GGA3: variants seen among roughly 807,000 people sequenced by gnomAD.
GGA3 encodes the protein golgi associated, gamma adaptin ear containing, ARF binding protein 3.
A neutral mutation model predicts 77.5 loss-of-function variants in GGA3; 57 were observed. The observed-to-expected ratio is 0.74, with a 90% CI of 0.59 to 0.92. GGA3 has a LOEUF of 0.92. GGA3 is among the 40% of genes least tolerant of loss of function. The pLI, the probability that GGA3 is intolerant of heterozygous loss-of-function variation, is 0.00. For missense variants in GGA3, 970 were observed against 914.9 expected (o/e 1.06, Z -0.78); for synonymous variants, 416 against 383.7 (o/e 1.08, Z -0.98).
chr17:75,256,772 C>A (rs977312417), intron 1 of GGA3, among the ~76,000 whole-genome samples: 1 of 152,092 alleles, frequency 6.6e-6, no homozygotes, highest in Non-Finnish European at 1.5e-5. Context: ...GATTTGCCCC[C>A]ACCCAGGACT....
rs1379490356 is a variant in GGA3 at position 75,238,203 on chromosome 17, G to A, written c.*76C>T. On this transcript the variant is annotated 3_prime_UTR_variant, in exon 17 of 17. Transcript: ENST00000537686. ...AAGCACTGTTGTCAGGGCATGGAGA[G>A]TGACGGGACCAGAGCCCTCCTCGTC... The A allele has an allele frequency of 2.6e-6, 4 of 1,565,196 alleles. No individual in the cohort carries two copies. The highest frequency in any genetic ancestry group is 3.5e-6 in the Non-Finnish European group (4 of 1,153,970).
chr17:75,244,740 C>T (rs111651025), intron 3 of GGA3, 23 bp from the exon 4 acceptor site: 46 of 1,571,874 alleles, frequency 2.9e-5, no homozygotes, highest in African/African-American at 5.4e-5. Context: ...AGAGGAGAGG[C>T]GCTCAGTGAG....
At chr17:75,243,010 C>T in intron 6 of GGA3, 53 bp downstream of exon 6, 1 of 1,511,052 alleles carries the variant, frequency 6.6e-7, no homozygotes, top group South Asian at 1.1e-5. Context: ...CCACATTCCC[C>T]TGCTGCCACC....
upstream of GGA3, chr17:75,261,829 T>C: frequency 3.3e-6 from 5 of 1,509,630 alleles, no homozygotes; most frequent in Non-Finnish European, 4.5e-6. Context: ...GAGGAGTCTT[T>C]TTCACCCGTT....
intron 1 of GGA3, among the ~76,000 whole-genome samples, chr17:75,251,134 A>G (rs2145566406): frequency 6.6e-6 from 1 of 152,144 alleles, no homozygotes; most frequent in African/African-American, 2.4e-5. Context: ...AAGCAAGAAC[A>G]TGGGCTGGAA....
chr17:75,240,131 TGAGCCGAGGGCGGGTGGG>T, intron 12 of GGA3, 23 bp from the exon 13 acceptor site: 1 of 1,030,568 alleles, frequency 9.7e-7, no homozygotes, highest in Non-Finnish European at 1.3e-6. Context: ...GAAAGGGTGG[TGAGCCGAGGGCGGGTGGG>T]GAGGGCCTGC....
rs191619184 is a variant in GGA3, at chr17:75,237,465, G to A, written c.*814C>T. On this transcript the variant is annotated 3_prime_UTR_variant, in exon 17 of 17. Transcript: ENST00000537686. ...CAGTTTATTTCATGCCAAGCAAGAGGTAGTCAGTAGGATGGCCTGTCCCCA... is the reference window on the plus strand; with the variant it reads ...CAGTTTATTTCATGCCAAGCAAGAGATAGTCAGTAGGATGGCCTGTCCCCA... 2.7e-5 allele frequency: 41 copies of A among 1,533,388 alleles called. No homozygotes were observed. Among genetic ancestry groups the A allele is most frequent in the Admixed American group, 7.8e-5 (4 of 50,990 alleles). The allele number at this position is 1,533,388 out of a possible 1,614,324, so 95.0% of individuals were successfully genotyped here.
chr17:75,240,740 C>T lies in GGA3; in HGVS notation c.1192+72G>A, dbSNP rs910749224. ...AGTCACACTGGGGCCCCGCTCAGGG[C>T]TCCTAATTCCACACACCCTTCCTCC... On this transcript the variant is annotated intron_variant, in intron 11 of 16. Transcript: ENST00000537686. 4 of 1,495,700 alleles carry T rather than the reference C, an allele frequency of 2.7e-6. No individual in the cohort carries two copies. In the East Asian group the frequency reaches 6.9e-5, roughly 26 times the overall value. 92.7% of individuals were successfully genotyped at this position (1,495,700 alleles called of 1,614,324 possible). A position where few individuals can be genotyped will look rare whatever the true frequency, so the allele number is the denominator to read the frequency against.
In GGA3 at chr17:75,242,868, T is replaced by C. The variant is rs915608707; in HGVS notation, c.572A>G (p.Gln191Arg). The change falls in exon 7 of 17, where the codon CAG becomes CGG. Residue 191 changes from glutamine to arginine, a missense_variant. Transcript: ENST00000537686. ...GGACTTGATGAGCTTGTTGGCCTCC[T>C]GCAGGTCATCTGGGTTTTTGCTTTT... ...LLKSKNPDDL[Q>R]EANKLIKSMV... 5 of 1,613,976 alleles carry C rather than the reference T, an allele frequency of 3.1e-6. No homozygotes were observed. The African/African-American group carries it at 5.3e-5, about 17-fold the overall frequency.
Position 75,246,698 on chromosome 17 carries a change from G to C in GGA3, c.125+14C>G, listed in dbSNP as rs147055941. On this transcript the variant is annotated intron_variant, in intron 2 of 16. Coordinates refer to ENST00000537686, the MANE Select transcript of GGA3 (RefSeq NM_138619.4). ...CCGCTCCCTCTCAGCTGCCCCCACA[G>C]TGCTGAGACTCACCCTTCCAGCTCC... 34 of 1,606,608 alleles carry C rather than the reference G, an allele frequency of 2.1e-5. No homozygotes were observed. In the African/African-American group the frequency reaches 4.0e-4, roughly 19 times the overall value.
Position 75,238,285 on chromosome 17 carries a change from G to C in GGA3, c.2166C>G (p.Asn722Lys), listed in dbSNP as rs142559174. 3 of 1,612,966 alleles carry C rather than the reference G, an allele frequency of 1.9e-6. No individual in the cohort carries two copies. The African/African-American group carries it at 4.0e-5, about 22-fold the overall frequency. The part of the protein sequence containing the change: ...DQFPPVEQWG[N>K]L ...ATCACAGCGTCCTCTGGGGTCATAG[G>C]TTCCCCCACTGTTCCACAGGAGGGA... Residue 722 changes from asparagine (N) to lysine (K), a missense_variant, in exon 17 of 17, where the codon AAC becomes AAG. Coordinates refer to ENST00000537686, the MANE Select transcript of GGA3 (RefSeq NM_138619.4).
chr17:75,239,534 T>C lies in GGA3; in HGVS notation c.1621A>G (p.Ile541Val), dbSNP rs1247899854. The C allele has an allele frequency of 6.4e-7, 1 of 1,562,836 alleles. No individual in the cohort carries two copies. Among genetic ancestry groups the C allele is most frequent in the South Asian group, 1.2e-5 (1 of 86,070 alleles). ...GLVKPTTSPL[I>V]PTTTPARPLL... ...GGCCTGGCTGGGGTGGTGGTGGGGA[T>C]GAGAGGGGAGGTAGTGGGTTTCACC... The change falls in exon 14 of 17, where the codon ATC (isoleucine) becomes GTC (valine). Residue 541 changes from isoleucine to valine, a missense_variant. Coordinates refer to ENST00000537686, the MANE Select transcript of GGA3 (RefSeq NM_138619.4).
Position 75,261,006 on chromosome 17 carries a change from C to G in GGA3, c.40+542G>C, listed in dbSNP as rs1598467938. On this transcript the variant is annotated intron_variant, in intron 1 of 16. Transcript: ENST00000537686. The stretch of plus-strand genomic sequence containing the variant: ...GGTAGAGCTCTCTGTTCTCTATCAT[C>G]GCTCTCTTTGGAATATTATTCTCAC... Among the ~76,000 whole-genome samples the G allele has an allele frequency of 2.6e-5, 4 of 152,246 alleles. No individual in the cohort carries two copies. The South Asian group carries it at 8.3e-4, about 31-fold the overall frequency.
At chr17:75,255,496 C>T (rs370221814) in intron 1 of GGA3, among the ~76,000 whole-genome samples, 2 of 152,116 alleles carry the variant, frequency 1.3e-5, no homozygotes, top group African/African-American at 2.4e-5. Context: ...CCCTCCTTGG[C>T]GACCGATCAT....
In GGA3 at chr17:75,237,536, G is replaced by A; in HGVS notation, c.*743C>T. 2 of 1,536,020 alleles carry A rather than the reference G, an allele frequency of 1.3e-6. No homozygotes were observed. Among genetic ancestry groups the A allele is most frequent in the Admixed American group, 2.0e-5 (1 of 50,990 alleles). ...CCAGAAAGCTGAGTACCTGCTTCTG[G>A]AGAAGGGGAAATACTGGCTCTCTTC... On this transcript the variant is annotated 3_prime_UTR_variant, in exon 17 of 17. Transcript: ENST00000537686.
Position 75,243,431 on chromosome 17 carries a change from G to C in GGA3, c.424+16C>G. 6.2e-7 allele frequency: 1 copy of C among 1,613,822 alleles called. No individual in the cohort carries two copies. Among genetic ancestry groups the C allele is most frequent in the Non-Finnish European group, 8.5e-7 (1 of 1,179,896 alleles). ...TTCGAGGGCTGCCTGGAGGCTGCGG[G>C]CAGGCAGACACGTACCCTGTCTCTT... On this transcript the variant is annotated intron_variant, in intron 5 of 16. Transcript: ENST00000537686.
chr17:75,245,980 T>G (rs1001846335), intron 3 of GGA3, among the ~76,000 whole-genome samples: 6 of 152,218 alleles, frequency 3.9e-5, no homozygotes, highest in Admixed American at 3.3e-4. Flanking sequence ...TTTCGGAGCA[T>G]GTGGAGGCAC....
At chr17:75,239,342 C>T in intron 14 of GGA3, 33 bp downstream of exon 14, 5 of 1,494,878 alleles carry the variant, frequency 3.3e-6, no homozygotes, top group Non-Finnish European at 3.6e-6. Context: ...ATAGGCCCCA[C>T]CGCCCCACCC....
At position 75,239,102 on chromosome 17, in the gene GGA3, A is replaced by AC; in HGVS notation, c.1781-20_1781-19insG. 1 of 1,608,248 alleles carries AC rather than the reference A, an allele frequency of 6.2e-7. No homozygotes were observed. Among genetic ancestry groups the AC allele is most frequent in the Non-Finnish European group, 8.5e-7 (1 of 1,178,132 alleles). On this transcript the variant is annotated intron_variant, in intron 14 of 16. Transcript: ENST00000537686. ...GCACTGCCTGTAAGAACGTGACGTG[A>AC]GTGTGGGAGGAGCAGCACCAGAGAC...
Sources: gnomAD v4.1 joint callset for allele counts (sites outside exome capture counted in the v4.1 genomes callset) on GRCh38, gnomAD v4.1.1 for gene constraint, MANE v1.5 for transcripts, NCBI Gene and HGNC (gene_info 2026-07-23, HGNC 2026-07-21) for gene names.